Variants in STPG2 observed in about 807,000 individuals in gnomAD.
STPG2 encodes the protein sperm-tail PG-rich repeat-containing protein 2.
Under a neutral mutation model 54.2 loss-of-function variants are expected in STPG2, and 56 were observed. The observed-to-expected ratio is 1.03, with a 90% CI of 0.83 to 1.29. STPG2 has a LOEUF of 1.29. Among genes scored for constraint, STPG2 ranks in the 50% most tolerant of loss-of-function variants. STPG2 has a pLI of 0.00. For synonymous variants in STPG2, 200 were observed against 181.8 expected, an observed-to-expected ratio of 1.10 and a Z score of -0.81; for missense variants, 596 against 544.9, an observed-to-expected ratio of 1.09 and a Z score of -0.93.
chr4:98,117,647 A>G (rs1739559933), intron 3 of STPG2, among the ~76,000 whole-genome samples: 1 of 152,082 alleles, frequency 6.6e-6, no homozygotes, highest in Non-Finnish European at 1.5e-5. Context: ...ACTGCATAAT[A>G]TCAATTGACA....
chr4:97,565,373 G>A (rs566438796), intron 10 of STPG2, among the ~76,000 whole-genome samples: 34 of 152,110 alleles, frequency 2.2e-4, no homozygotes, highest in African/African-American at 6.5e-4. Flanking sequence ...TTTTCCCTTG[G>A]TTTGAATTTC....
chr4:97,747,519 CAA>C (rs761396698), intron 9 of STPG2, among the ~76,000 whole-genome samples: 1 of 151,346 alleles, frequency 6.6e-6, no homozygotes, highest in African/African-American at 2.4e-5. Flanking sequence ...GAACTTTTTA[CAA>C]ATTTAAGGAC....
intron 5 of STPG2, among the ~76,000 whole-genome samples, chr4:97,981,573 A>C (rs1236202523): frequency 6.6e-6 from 1 of 152,040 alleles, no homozygotes; most frequent in Admixed American, 6.6e-5. Context: ...AGAAGAAAAT[A>C]ATCTCAACAT....
intron 10 of STPG2, among the ~76,000 whole-genome samples, chr4:97,698,032 T>C (rs577473566): frequency 6.6e-6 from 1 of 152,206 alleles, no homozygotes; most frequent in African/African-American, 2.4e-5. Flanking sequence ...AGCCCCCTGA[T>C]TTCCCACTCC....
At chr4:97,587,523 T>C (rs1353127314) in intron 10 of STPG2, among the ~76,000 whole-genome samples, 1 of 151,982 alleles carries the variant, frequency 6.6e-6, no homozygotes, top group Non-Finnish European at 1.5e-5. Flanking sequence ...ATAATATAGG[T>C]AACATTAACA....
chr4:97,664,000 T>C (rs867283397), intron 10 of STPG2, among the ~76,000 whole-genome samples: 39 of 152,322 alleles, frequency 2.6e-4, no homozygotes, highest in Middle Eastern at 3.4e-3. Context: ...GTTATTTATA[T>C]GCATGGGTAT....
intron 9 of STPG2, among the ~76,000 whole-genome samples, chr4:97,823,710 G>T (rs1375863909): frequency 6.6e-6 from 1 of 152,134 alleles, no homozygotes; most frequent in Non-Finnish European, 1.5e-5. Context: ...ATACTGAAGA[G>T]ACACCCGACC....
At chr4:97,838,676 T>C (rs1051752191) in intron 9 of STPG2, among the ~76,000 whole-genome samples, 1 of 151,512 alleles carries the variant, frequency 6.6e-6, no homozygotes, top group Non-Finnish European at 1.5e-5. Flanking sequence ...CGGCATGATA[T>C]TAATTGAATT....
intron 10 of STPG2, among the ~76,000 whole-genome samples, chr4:97,661,220 A>G (rs771799226): frequency 6.6e-6 from 1 of 152,180 alleles, no homozygotes; most frequent in Non-Finnish European, 1.5e-5. Context: ...AAAAAGTTAC[A>G]TATAGTAAAA....
At chr4:97,979,810 C>A (rs1464762879) in intron 6 of STPG2, among the ~76,000 whole-genome samples, 2 of 151,538 alleles carry the variant, frequency 1.3e-5, no homozygotes, top group South Asian at 2.1e-4. Flanking sequence ...CTGCAACCTC[C>A]GCCTCCCAGG....
intron 4 of STPG2, among the ~76,000 whole-genome samples, chr4:97,551,668 T>C (rs938643583): frequency 1.3e-5 from 2 of 152,256 alleles, no homozygotes; most frequent in Non-Finnish European, 2.9e-5. Flanking sequence ...CGCTTTCTAA[T>C]TGATAACTAT....
chr4:97,638,000 G>C (rs1203365773), intron 10 of STPG2, among the ~76,000 whole-genome samples: 1 of 151,738 alleles, frequency 6.6e-6, no homozygotes, highest in Non-Finnish European at 1.5e-5. Flanking sequence ...CTACTTTAAA[G>C]TTCATATGGA....
At chr4:97,442,419 GA>G (rs765737882) in intron 4 of STPG2, among the ~76,000 whole-genome samples, 4 of 151,766 alleles carry the variant, frequency 2.6e-5, no homozygotes, top group Non-Finnish European at 2.9e-5. Flanking sequence ...TCTAATTGTA[GA>G]AAAAAATTGT....
intron 4 of STPG2, among the ~76,000 whole-genome samples, chr4:97,524,670 A>G (rs1731246916): frequency 6.6e-6 from 1 of 151,958 alleles, no homozygotes; most frequent in Non-Finnish European, 1.5e-5. Context: ...TTCATCTTAC[A>G]GCAATCCTCT....
intron 10 of STPG2, among the ~76,000 whole-genome samples, chr4:97,631,716 A>G (rs115628202): frequency 1.0e-3 from 152 of 152,178 alleles, no homozygotes; most frequent in Middle Eastern, 3.4e-3. Context: ...AAAGCCTGAG[A>G]ATGTCACCTG....
intron 10 of STPG2, among the ~76,000 whole-genome samples, chr4:97,572,004 A>G: frequency 6.6e-6 from 1 of 152,192 alleles, no homozygotes; most frequent in Non-Finnish European, 1.5e-5. Flanking sequence ...ATGGTGTGGC[A>G]AATTAAGTGA....
chr4:97,564,594 G>C (rs1332454083), intron 10 of STPG2, among the ~76,000 whole-genome samples: 3 of 152,152 alleles, frequency 2.0e-5, no homozygotes, highest in Non-Finnish European at 4.4e-5. Context: ...TCCATGTTTA[G>C]TGCTTCCTTC....
At chr4:97,478,653 T>C (rs1211375052) in intron 4 of STPG2, among the ~76,000 whole-genome samples, 1 of 152,118 alleles carries the variant, frequency 6.6e-6, no homozygotes, top group Non-Finnish European at 1.5e-5. Context: ...TTAGTTTTAA[T>C]GAAATTAACT....
At chr4:98,095,021 C>T (rs946204912) in intron 5 of STPG2, among the ~76,000 whole-genome samples, 41 of 151,980 alleles carry the variant, frequency 2.7e-4, no homozygotes, top group African/African-American at 9.4e-4. Context: ...GGAAAAACAA[C>T]AAAAAGTTAA....
Sources: allele counts gnomAD v4.1 joint callset (sites outside exome capture counted in the v4.1 genomes callset), GRCh38; gene constraint gnomAD v4.1.1; transcripts MANE v1.5; gene names NCBI Gene and HGNC (gene_info 2026-07-23, HGNC 2026-07-21).